TCF25: variants seen among roughly 807,000 people sequenced by gnomAD.
TCF25 encodes ribosome quality control complex subunit TCF25.
A neutral mutation model predicts 83.1 loss-of-function variants in TCF25; 41 were observed. The ratio of observed to expected loss-of-function variants is 0.49; its 90% CI spans 0.38 to 0.64. The LOEUF (loss-of-function observed/expected upper bound fraction) is 0.64. Among genes scored for constraint, TCF25 ranks in the 30% least tolerant of loss-of-function variants. TCF25 has a pLI of 0.00. For synonymous variants in TCF25, 458 were observed against 365.0 expected (o/e 1.25, Z -2.90); for missense variants, 979 against 914.5 (o/e 1.07, Z -0.91).
chr16:89,900,722 G>C lies in TCF25; in HGVS notation c.1309G>C (p.Glu437Gln). The change falls in exon 12 of 18, where the codon GAG becomes CAG. Residue 437 changes from glutamate to glutamine, a missense_variant. Transcript: ENST00000263346. The part of the protein sequence containing the change: ...FLLSQQTDLP[E>Q]CEQSSARQKA... The stretch of plus-strand genomic sequence containing the variant: ...GCTGAGCCAGCAGACAGACCTCCCT[G>C]AGTGTGAGCAGAGCTCTGCCAGGCA... 1 of 1,605,432 alleles carries C rather than the reference G, an allele frequency of 6.2e-7. No homozygotes were observed. Among genetic ancestry groups the C allele is most frequent in the Non-Finnish European group, 8.5e-7 (1 of 1,172,690 alleles).
At chr16:89,885,283 C>T (rs898529529) in intron 3 of TCF25, among the ~76,000 whole-genome samples, 3 of 152,238 alleles carry the variant, frequency 2.0e-5, no homozygotes, top group Non-Finnish European at 2.9e-5. Context: ...CCTTGTTCCT[C>T]GACTGGTTGG....
intron 1 of TCF25, among the ~76,000 whole-genome samples, chr16:89,880,247 A>G (rs921875551): frequency 1.3e-5 from 2 of 152,238 alleles, no homozygotes; most frequent in Non-Finnish European, 2.9e-5. Flanking sequence ...ACCTCAAAAT[A>G]AGAATTTTTT....
chr16:89,891,183 C>T (rs1238523594), intron 5 of TCF25, among the ~76,000 whole-genome samples: 1 of 152,222 alleles, frequency 6.6e-6, no homozygotes, highest in East Asian at 1.9e-4. Context: ...CCCAGGCTGC[C>T]TCGTTGGGTC....
At chr16:89,909,536 G>A (rs2045365373) in intron 16 of TCF25, 1 of 164,126 alleles carries the variant, frequency 6.1e-6, no homozygotes, top group Non-Finnish European at 1.3e-5. Context: ...AAAAAAATTG[G>A]GCGTGGTGGG....
chr16:89,903,113 C>G (rs569185357), intron 12 of TCF25, among the ~76,000 whole-genome samples: 2 of 152,252 alleles, frequency 1.3e-5, no homozygotes, highest in Admixed American at 1.3e-4. Context: ...TCTGGAAACG[C>G]GGCTGGGAGG....
intron 16 of TCF25, among the ~76,000 whole-genome samples, 170 bp downstream of exon 16, chr16:89,907,492 C>T (rs201556670): frequency 2.5e-4 from 35 of 138,954 alleles, no homozygotes; most frequent in African/African-American, 8.5e-4. Flanking sequence ...TCCCAGCTCC[C>T]ACCTCCCTCC....
rs138375994 is a variant in TCF25 at position 89,893,855 on chromosome 16, C to A, written c.825C>A (p.Ile275=). Residue 275 remains isoleucine, a synonymous_variant, in exon 7 of 18, where the codon ATC becomes ATA. Transcript: ENST00000263346. ...TGGAGTCTATGGAGCCGAACAACAT[C>A]GTGGTGCGTGGTCCCTGCAGCCCCT... ...VAVESMEPNN[I]VVLLQTSPYH... The A allele has an allele frequency of 3.1e-5, 50 of 1,601,636 alleles. No individual in the cohort carries two copies. Among genetic ancestry groups the A allele is most frequent in the Non-Finnish European group, 4.1e-5 (48 of 1,174,448 alleles).
chr16:89,885,814 T>G (rs756069289), intron 3 of TCF25, 34 bp from the exon 4 acceptor site: 2 of 1,469,266 alleles, frequency 1.4e-6, no homozygotes, highest in Non-Finnish European at 1.9e-6. Flanking sequence ...ATAATGTCAG[T>G]GTGGTGATTA....
Position 89,904,889 on chromosome 16 carries a change from G to T in TCF25, c.1470-49G>T, listed in dbSNP as rs764196194. On this transcript the variant is annotated intron_variant, in intron 13 of 17. Coordinates refer to ENST00000263346, the MANE Select transcript of TCF25 (RefSeq NM_014972.3). ...ATGGGGCTCTGCCAGCCTCGAGGCA[G>T]GCTGTGGTCTGAAGAGGGGTTCTGC... 5.1e-6 allele frequency: 8 copies of T among 1,575,544 alleles called. No homozygotes were observed. The South Asian group carries it at 9.3e-5, about 18-fold the overall frequency.
At chr16:89,874,225 C>T (rs2041982777) in intron 1 of TCF25, among the ~76,000 whole-genome samples, 2 of 148,940 alleles carry the variant, frequency 1.3e-5, no homozygotes, top group Admixed American at 6.7e-5. Context: ...CCAACGTCCG[C>T]GGGGCCGGGC....
At chr16:89,880,736 G>A (rs915658897) in intron 1 of TCF25, among the ~76,000 whole-genome samples, 7 of 152,130 alleles carry the variant, frequency 4.6e-5, no homozygotes, top group Non-Finnish European at 8.8e-5. Flanking sequence ...AAACAGACAA[G>A]TAAACCAGCA....
intron 14 of TCF25, 42 bp downstream of exon 14, chr16:89,905,138 C>T (rs1038673509): frequency 6.6e-7 from 1 of 1,513,208 alleles, no homozygotes; most frequent in Non-Finnish European, 8.8e-7. Context: ...GCCCCCTCCT[C>T]AGGGACCCTC....
intron 14 of TCF25, 37 bp from the exon 15 acceptor site, chr16:89,906,157 G>A (rs574932006): frequency 1.3e-5 from 21 of 1,587,498 alleles, no homozygotes; most frequent in Non-Finnish European, 1.7e-5. Context: ...CATTTGCTGT[G>A]CTTTATCTGC....
intron 15 of TCF25, 73 bp downstream of exon 15, chr16:89,906,357 C>A: frequency 6.7e-7 from 1 of 1,485,686 alleles, no homozygotes; most frequent in South Asian, 1.2e-5. Context: ...TCCGGGCGGT[C>A]CACATGCAGG....
At chr16:89,904,900 G>T (rs572655709) in intron 13 of TCF25, 38 bp from the exon 14 acceptor site, 3 of 1,583,930 alleles carry the variant, frequency 1.9e-6, no homozygotes, top group Non-Finnish European at 8.6e-7. Flanking sequence ...GCTGTGGTCT[G>T]AAGAGGGGTT....
chr16:89,876,166 A>T (rs1473435755), intron 1 of TCF25, among the ~76,000 whole-genome samples: 1 of 152,158 alleles, frequency 6.6e-6, no homozygotes, highest in African/African-American at 2.4e-5. Context: ...AACAGCCTCC[A>T]TGGATGAATG....
At chr16:89,884,482 G>T in intron 2 of TCF25, 100 bp from the exon 3 acceptor site, 1 of 1,225,882 alleles carries the variant, frequency 8.2e-7, no homozygotes, top group Non-Finnish European at 1.2e-6. Context: ...GGAGAGGTAG[G>T]GGCTGCTTAG....
intron 5 of TCF25, 102 bp from the exon 6 acceptor site, chr16:89,892,091 C>T (rs375419791): frequency 7.5e-4 from 856 of 1,146,316 alleles, no homozygotes; most frequent in Non-Finnish European, 8.5e-4. Context: ...CTTCTCTGCC[C>T]CTCAGTTTTG....
intron 1 of TCF25, 36 bp downstream of exon 1, chr16:89,873,895 GCCCTTGACGTTGT>G: frequency 1.4e-6 from 2 of 1,435,074 alleles, no homozygotes; most frequent in Non-Finnish European, 1.9e-6. Flanking sequence ...GGGTGGGGTG[GCCCTTGACGTTGT>G]GGGGCGGGGC....
Sources: gnomAD v4.1 joint callset for allele counts (sites outside exome capture counted in the v4.1 genomes callset) on GRCh38, gnomAD v4.1.1 for gene constraint, MANE v1.5 for transcripts, NCBI Gene and HGNC (gene_info 2026-07-23, HGNC 2026-07-21) for gene names.